Variants in DGUOK observed in about 807,000 individuals in gnomAD.
DGUOK encodes deoxyguanosine kinase, mitochondrial.
In DGUOK, 30 loss-of-function variants were observed where a neutral mutation model predicts 36.6. That is an observed-to-expected ratio of 0.82 (90% confidence interval 0.61 to 1.11). The LOEUF is 1.11. DGUOK is among the 50% of genes most tolerant of loss of function. The pLI is 0.00. For missense variants in DGUOK, 361 were observed against 336.4 expected (o/e 1.07, Z -0.57); for synonymous variants, 145 against 126.3 (o/e 1.15, Z -0.99).
At position 73,946,890 on chromosome 2, in the gene DGUOK, T is replaced by C; in HGVS notation, c.427T>C (p.Ser143Pro). ...GAAGCCAGTACAGATCTTTGAGAGG[T>C]CTGTGTACAGTGACAGGTAAAATGC... ...ARKPVQIFER[S>P]VYSDRYIFAK... The change falls in exon 3 of 7, where the codon TCT becomes CCT. Residue 143 changes from serine to proline, a missense_variant. Ser to Pro is a moderately conservative substitution (Grantham distance 74, BLOSUM62 -1). Coordinates refer to ENST00000264093, the MANE Select transcript of DGUOK (RefSeq NM_080916.3). 1 of 1,612,526 alleles carries C rather than the reference T, an allele frequency of 6.2e-7. No homozygotes were observed. Among genetic ancestry groups the C allele is most frequent in the Middle Eastern group, 1.8e-4 (1 of 5,468 alleles).
chr2:73,931,123 G>C (rs1681002314), intron 1 of DGUOK, among the ~76,000 whole-genome samples: 1 of 152,154 alleles, frequency 6.6e-6, no homozygotes, highest in Non-Finnish European at 1.5e-5. Flanking sequence ...ATACTGTGTG[G>C]TGAGATTTGT....
chr2:73,938,765 G>C (rs1300567995), intron 1 of DGUOK, 145 bp from the exon 2 acceptor site: 1 of 685,092 alleles, frequency 1.5e-6, no homozygotes, highest in Non-Finnish European at 2.7e-6. Flanking sequence ...TTATCAGTCT[G>C]ACAATGGTAC....
chr2:73,931,327 T>G (rs1026678867), intron 1 of DGUOK, among the ~76,000 whole-genome samples: 5 of 152,054 alleles, frequency 3.3e-5, no homozygotes, highest in African/African-American at 9.7e-5. Flanking sequence ...CAGGCTGGAG[T>G]GCAGTGGTGT....
chr2:73,926,902 G>T lies in DGUOK; in HGVS notation c.-9G>T, dbSNP rs1293629788. On this transcript the variant is annotated 5_prime_UTR_variant, in exon 1 of 7. Transcript: ENST00000264093. ...GGCGGAAGTGATCGCTGTGTGAATC[G>T]TGGGTGGGATGGCCGCGGGCCGCCT... The T allele has an allele frequency of 6.2e-7, 1 of 1,613,296 alleles. No homozygotes were observed. Among genetic ancestry groups the T allele is most frequent in the African/African-American group, 1.3e-5 (1 of 75,042 alleles).
intron 2 of DGUOK, among the ~76,000 whole-genome samples, chr2:73,942,278 G>C (rs1681960683): frequency 6.6e-6 from 1 of 152,102 alleles, no homozygotes; most frequent in Non-Finnish European, 1.5e-5. Flanking sequence ...TTTTTATGTA[G>C]TCTAACCTGT....
chr2:73,958,310 T>C, intron 6 of DGUOK, 65 bp downstream of exon 6: 1 of 1,351,500 alleles, frequency 7.4e-7, no homozygotes, highest in Non-Finnish European at 1.1e-6. Flanking sequence ...CTTTCTGGCC[T>C]TTGCTTCAAA....
At chr2:73,945,508 C>G (rs1394056958) in intron 2 of DGUOK, among the ~76,000 whole-genome samples, 1 of 152,190 alleles carries the variant, frequency 6.6e-6, no homozygotes, top group African/African-American at 2.4e-5. Context: ...ATTTTCCCCT[C>G]TGGAAAATGG....
At chr2:73,946,335 T>G (rs1009048093) in intron 2 of DGUOK, among the ~76,000 whole-genome samples, 4 of 152,216 alleles carry the variant, frequency 2.6e-5, no homozygotes, top group Non-Finnish European at 4.4e-5. Context: ...CATAGTGTTA[T>G]AGTGGAAAGA....
intron 1 of DGUOK, among the ~76,000 whole-genome samples, chr2:73,938,590 A>C (rs1306281234): frequency 6.6e-6 from 1 of 152,242 alleles, no homozygotes; most frequent in Admixed American, 6.5e-5. Context: ...CAAGTGATAG[A>C]ACTTATGGAG....
chr2:73,955,469 C>T (rs1243827652), intron 4 of DGUOK, among the ~76,000 whole-genome samples: 1 of 152,066 alleles, frequency 6.6e-6, no homozygotes, highest in African/African-American at 2.4e-5. Context: ...AATTTCATTT[C>T]CTTAGAGAAA....
At chr2:73,946,594 T>C in intron 2 of DGUOK, 125 bp from the exon 3 acceptor site, 1 of 894,602 alleles carries the variant, frequency 1.1e-6, no homozygotes, top group Non-Finnish European at 1.8e-6. Context: ...AGGAAACTTT[T>C]GTAATTTCTT....
Position 73,950,665 on chromosome 2 carries a change from T to C in DGUOK, c.524T>C (p.Phe175Ser). 1 of 1,614,206 alleles carries C rather than the reference T, an allele frequency of 6.2e-7. No individual in the cohort carries two copies. ...EWHIYQDWHSFLLWEFASRIT... is the reference protein window; with the variant it reads ...EWHIYQDWHSSLLWEFASRIT... ...CATATCTATCAGGACTGGCATTCTT[T>C]TCTCCTGTGGGAGTTTGCCAGCCGG... Residue 175 changes from phenylalanine (F) to serine (S), a missense_variant, in exon 4 of 7, where the codon TTT becomes TCT. Transcript: ENST00000264093.
intron 1 of DGUOK, among the ~76,000 whole-genome samples, chr2:73,929,243 G>A (rs1680833262): frequency 6.6e-6 from 1 of 152,184 alleles, no homozygotes; most frequent in Admixed American, 6.5e-5. Context: ...TGAGTAGCTG[G>A]ATCCACAGGT....
chr2:73,957,379 C>T, intron 5 of DGUOK, 139 bp downstream of exon 5: 1 of 737,758 alleles, frequency 1.4e-6, no homozygotes, highest in South Asian at 1.5e-5. Flanking sequence ...AAGCATTTTC[C>T]AACTCAGAAG....
intron 2 of DGUOK, among the ~76,000 whole-genome samples, chr2:73,944,789 G>A (rs900492967): frequency 6.6e-6 from 1 of 152,188 alleles, no homozygotes; most frequent in African/African-American, 2.4e-5. Flanking sequence ...GCATCTGCCA[G>A]CACAGCACTC....
rs528587600 is a variant in DGUOK, at chr2:73,950,523, C to A, written c.444-62C>A. 12 of 1,562,246 alleles carry A rather than the reference C, an allele frequency of 7.7e-6. No individual in the cohort carries two copies. The Admixed American group carries it at 1.5e-4, about 20-fold the overall frequency. ...GATTTTTCTGCTTCTCTCTCTCTCT[C>A]GTGCCTTTCATTCCATTTCCCATTC... is the stretch of plus-strand genomic sequence containing the variant. On this transcript the variant is annotated intron_variant, in intron 3 of 6. Coordinates refer to ENST00000264093, the MANE Select transcript of DGUOK (RefSeq NM_080916.3).
chr2:73,937,654 C>T (rs1403462049), intron 1 of DGUOK, among the ~76,000 whole-genome samples: 1 of 152,122 alleles, frequency 6.6e-6, no homozygotes, highest in Non-Finnish European at 1.5e-5. Context: ...ATGATTAGTT[C>T]ATTTAGGAAA....
chr2:73,940,177 A>G (rs1465400518), intron 2 of DGUOK, among the ~76,000 whole-genome samples: 2 of 152,166 alleles, frequency 1.3e-5, no homozygotes, highest in Non-Finnish European at 2.9e-5. Flanking sequence ...CTGGGATTAT[A>G]GGCATGAGCC....
At chr2:73,941,465 G>T (rs756213885) in intron 2 of DGUOK, among the ~76,000 whole-genome samples, 56 of 152,110 alleles carry the variant, frequency 3.7e-4, no homozygotes, top group Non-Finnish European at 6.9e-4. Flanking sequence ...TTTCTACAGA[G>T]AAAATGTATA....
Sources: allele counts gnomAD v4.1 joint callset (sites outside exome capture counted in the v4.1 genomes callset), GRCh38; gene constraint gnomAD v4.1.1; transcripts MANE v1.5; gene names NCBI Gene and HGNC (gene_info 2026-07-23, HGNC 2026-07-21).